TGFBR1: variants seen among roughly 807,000 people sequenced by gnomAD.
TGFBR1 encodes TGF-beta receptor type-1.
TGFBR1 carries 20 observed loss-of-function variants against 55.1 expected under a neutral mutation model. That is an observed-to-expected ratio of 0.36 (90% CI 0.26 to 0.53). The LOEUF (loss-of-function observed/expected upper bound fraction) is 0.53, where lower values mean the gene tolerates loss of function less well. Among genes scored for constraint, TGFBR1 ranks in the 20% least tolerant of loss-of-function variants. The pLI is 0.91. For missense variants in TGFBR1, 385 were observed against 617.6 expected, an observed-to-expected ratio of 0.62 and a Z score of 3.99; for synonymous variants, 220 against 214.8, an observed-to-expected ratio of 1.02 and a Z score of -0.21.
chr9:99,134,812 A>C (rs927894437), intron 3 of TGFBR1, among the ~76,000 whole-genome samples: 1 of 30,800 alleles, frequency 3.2e-5, no homozygotes, highest in Non-Finnish European at 7.5e-5. Context: ...TTATATATAT[A>C]TATATATATA....
chr9:99,139,271 C>T (rs1408760075), intron 4 of TGFBR1, among the ~76,000 whole-genome samples: 2 of 150,774 alleles, frequency 1.3e-5, no homozygotes, highest in Non-Finnish European at 2.9e-5. Flanking sequence ...CTTCTCCCAC[C>T]TTCCATTTAC....
chr9:99,108,659 C>G (rs989807428), intron 1 of TGFBR1, among the ~76,000 whole-genome samples: 1 of 152,184 alleles, frequency 6.6e-6, no homozygotes, highest in Non-Finnish European at 1.5e-5. Context: ...GTGTCCCCAA[C>G]TGTCCTGGGG....
At chr9:99,111,232 A>G (rs1469097436) in intron 1 of TGFBR1, among the ~76,000 whole-genome samples, 4 of 144,830 alleles carry the variant, frequency 2.8e-5, no homozygotes, top group South Asian at 2.2e-4. Context: ...GAAAATTTGT[A>G]TTAGAGAAAG....
intron 1 of TGFBR1, among the ~76,000 whole-genome samples, chr9:99,123,031 G>A (rs1826938570): frequency 6.6e-6 from 1 of 152,010 alleles, no homozygotes; most frequent in Admixed American, 6.6e-5. Context: ...AAACATGAAT[G>A]AATTTTATAC....
chr9:99,146,383 G>A (rs568398030), intron 6 of TGFBR1, 102 bp from the exon 7 acceptor site: 1 of 1,266,366 alleles, frequency 7.9e-7, no homozygotes. Flanking sequence ...ATGTAATATT[G>A]TGTACATATG....
At chr9:99,112,353 C>T (rs535773380) in intron 1 of TGFBR1, among the ~76,000 whole-genome samples, 7 of 152,204 alleles carry the variant, frequency 4.6e-5, no homozygotes, top group Non-Finnish European at 8.8e-5. Context: ...TCCTGCAAGT[C>T]TTTGCTCAGA....
At chr9:99,121,066 A>G (rs1571588) in intron 1 of TGFBR1, among the ~76,000 whole-genome samples, 3,843 of 152,296 alleles carry the variant, frequency 0.025, 64 homozygotes, top group Non-Finnish European at 0.038. Flanking sequence ...TTCTTTTAAG[A>G]TGTGATGTGG....
intron 4 of TGFBR1, among the ~76,000 whole-genome samples, chr9:99,139,701 G>A (rs1247978355): frequency 6.6e-6 from 1 of 152,154 alleles, no homozygotes; most frequent in Non-Finnish European, 1.5e-5. Context: ...CAAATATCCA[G>A]TTAGGTTCAA....
chr9:99,118,293 T>G (rs980872755), intron 1 of TGFBR1, among the ~76,000 whole-genome samples: 32 of 152,204 alleles, frequency 2.1e-4, no homozygotes, highest in African/African-American at 7.5e-4. Flanking sequence ...GTTCTGTGTC[T>G]TTCCAGTCTA....
Position 99,116,992 on chromosome 9 carries a change from C to T in TGFBR1, c.97+11690C>T, listed in dbSNP as rs553383171. ...ACAAAAGCTCCTTCCTTTTGGTGGG[C>T]TTTTCTGTCCTTGCTTGGTTCAATT... On this transcript the variant is annotated intron_variant, in intron 1 of 8. Coordinates refer to ENST00000374994, the MANE Select transcript of TGFBR1 (RefSeq NM_004612.4). 1.2e-4 allele frequency among the ~76,000 whole-genome samples: 19 copies of T among 152,280 alleles called. No individual in the cohort carries two copies. The East Asian group carries it at 3.5e-3, about 28-fold the overall frequency.
chr9:99,113,741 A>G (rs1289399459), intron 1 of TGFBR1, among the ~76,000 whole-genome samples: 1 of 152,244 alleles, frequency 6.6e-6, no homozygotes, highest in Admixed American at 6.5e-5. Flanking sequence ...GAAAGAAGAA[A>G]TACATGTCTG....
At chr9:99,109,047 G>A (rs749295343) in intron 1 of TGFBR1, among the ~76,000 whole-genome samples, 1 of 152,186 alleles carries the variant, frequency 6.6e-6, no homozygotes, top group Non-Finnish European at 1.5e-5. Flanking sequence ...GCTTTAAAAT[G>A]TGAAGGACTT....
intron 1 of TGFBR1, among the ~76,000 whole-genome samples, chr9:99,108,056 C>G (rs535337242): frequency 5.3e-5 from 8 of 152,328 alleles, no homozygotes; most frequent in African/African-American, 1.9e-4. Context: ...CCATTTCTTT[C>G]TTTTGTGGCC....
chr9:99,124,227 G>T (rs1826971833), intron 1 of TGFBR1, among the ~76,000 whole-genome samples: 1 of 152,034 alleles, frequency 6.6e-6, no homozygotes, highest in African/African-American at 2.4e-5. Context: ...TTCTTCTCAG[G>T]ACTCAGGATT....
At chr9:99,133,852 A>C (rs1294486139) in intron 3 of TGFBR1, among the ~76,000 whole-genome samples, 1 of 152,128 alleles carries the variant, frequency 6.6e-6, no homozygotes, top group Non-Finnish European at 1.5e-5. Flanking sequence ...AAATGCAAAA[A>C]AATTAGCCGG....
Position 99,153,488 on chromosome 9 carries a change from AC to A in TGFBR1, c.*4184del, listed in dbSNP as rs1013695240. 1.5e-5 allele frequency: 3 copies of A among 202,542 alleles called. No homozygotes were observed. The highest frequency in any genetic ancestry group is 6.9e-5 in the African/African-American group (3 of 43,686). The allele number at this position is 202,542 out of a possible 1,614,324, so 12.5% of individuals were successfully genotyped here. On this transcript the variant is annotated 3_prime_UTR_variant, in exon 9 of 9. Coordinates refer to ENST00000374994, the MANE Select transcript of TGFBR1 (RefSeq NM_004612.4). ...AGAAGCCTGTAAAGAGGAGAAAAAA[AC>A]ATAAGCTGTGTTTCCCCATAAGTTT...
At chr9:99,147,514 G>C (rs1409533229) in intron 7 of TGFBR1, 140 bp from the exon 8 acceptor site, 3 of 782,952 alleles carry the variant, frequency 3.8e-6, no homozygotes, top group Admixed American at 2.3e-5. Flanking sequence ...ATGTGGATGA[G>C]ATAGAGAAAG....
At chr9:99,108,687 A>G (rs537611057) in intron 1 of TGFBR1, among the ~76,000 whole-genome samples, 31 of 152,266 alleles carry the variant, frequency 2.0e-4, no homozygotes, top group African/African-American at 7.0e-4. Flanking sequence ...CAAGGGAGGA[A>G]ACAAGGCTTT....
At chr9:99,129,456 C>T (rs1252243970) in intron 2 of TGFBR1, among the ~76,000 whole-genome samples, 1 of 152,220 alleles carries the variant, frequency 6.6e-6, no homozygotes, top group East Asian at 1.9e-4. Context: ...TTAAAGCAAT[C>T]ACAGTCTTTT....
Sources: allele counts gnomAD v4.1 joint callset (sites outside exome capture counted in the v4.1 genomes callset), GRCh38; gene constraint gnomAD v4.1.1; transcripts MANE v1.5; gene names NCBI Gene and HGNC (gene_info 2026-07-23, HGNC 2026-07-21).